Variants in DDB1 observed in about 807,000 individuals in gnomAD.
DDB1 encodes damage specific DNA binding protein 1.
DDB1 carries 18 observed loss-of-function variants against 133.1 expected under a neutral mutation model. The ratio of observed to expected loss-of-function variants is 0.14; its 90% CI spans 0.09 to 0.20. The LOEUF (loss-of-function observed/expected upper bound fraction) is 0.20, where lower values mean the gene tolerates loss of function less well. Among genes scored for constraint, DDB1 ranks in the 10% least tolerant of loss-of-function variants. DDB1 has a pLI of 1.00. For missense variants in DDB1, 828 were observed against 1,459.2 expected, an observed-to-expected ratio of 0.57 and a Z score of 7.05; for synonymous variants, 580 against 550.5, an observed-to-expected ratio of 1.05 and a Z score of -0.75.
chr11:61,314,823 CTTTT>C (rs549452269), intron 12 of DDB1: 21 of 81,174 alleles, frequency 2.6e-4, no homozygotes, highest in South Asian at 4.3e-4. Flanking sequence ...AGTTTTTTGG[CTTTT>C]TTTTTTTTTT....
chr11:61,329,651 C>A, intron 3 of DDB1, 67 bp from the exon 4 acceptor site: 3 of 1,459,572 alleles, frequency 2.1e-6, no homozygotes, highest in Non-Finnish European at 2.8e-6. Flanking sequence ...ACGCTGGGCA[C>A]CACTTGTGCA....
rs28891995 is a variant in DDB1 at position 61,312,846 on chromosome 11, A to G, written c.2069+653T>C. Among the ~76,000 whole-genome samples the G allele has an allele frequency of 6.7e-3, 1,014 of 151,706 alleles. 14 individuals are homozygous for G. The highest frequency in any genetic ancestry group is 0.024 in the African/African-American group (980 of 41,292). Reference sequence around the variant, plus strand: ...GCTCCTGACCTCCGGTGATCCACCCACCTCAGCCTCCCAAAGAGCTAGGAT... The same window carrying G: ...GCTCCTGACCTCCGGTGATCCACCCGCCTCAGCCTCCCAAAGAGCTAGGAT... On this transcript the variant is annotated intron_variant, in intron 16 of 26. Transcript: ENST00000301764.
rs572079399 is a variant in DDB1, at chr11:61,300,735, C to T, written c.3339+74G>A. 34 of 1,586,520 alleles carry T rather than the reference C, an allele frequency of 2.1e-5. No individual in the cohort carries two copies. The South Asian group carries it at 3.9e-4, about 18-fold the overall frequency. ...CTTGGAACTGAGGAGGAGAGGTGCCCAGAGACAGTCTCCTGGCATGCCCCA... is the reference window on the plus strand; with the variant it reads ...CTTGGAACTGAGGAGGAGAGGTGCCTAGAGACAGTCTCCTGGCATGCCCCA... On this transcript the variant is annotated intron_variant, in intron 26 of 26. Coordinates refer to ENST00000301764, the MANE Select transcript of DDB1 (RefSeq NM_001923.5).
chr11:61,305,470 G>A (rs1172208770), intron 21 of DDB1, among the ~76,000 whole-genome samples: 2 of 152,202 alleles, frequency 1.3e-5, no homozygotes, highest in African/African-American at 4.8e-5. Context: ...CTGCGCCATT[G>A]CACTCCAGCG....
At chr11:61,300,990 C>A in intron 25 of DDB1, 58 bp from the exon 26 acceptor site, 1 of 1,605,358 alleles carries the variant, frequency 6.2e-7, no homozygotes, top group Non-Finnish European at 8.5e-7. Context: ...TCAGTCATCC[C>A]CACCTTTGAA....
chr11:61,308,509 GC>G (rs1211218331), intron 21 of DDB1, among the ~76,000 whole-genome samples: 1 of 152,082 alleles, frequency 6.6e-6, no homozygotes, highest in Admixed American at 6.5e-5. Context: ...TTTGTTTGCT[GC>G]TATCTCCCTA....
rs1437488724 is a variant in DDB1 at position 61,323,110 on chromosome 11, C to T, written c.922-16G>A. 6 of 1,610,408 alleles carry T rather than the reference C, an allele frequency of 3.7e-6. No individual in the cohort carries two copies. In the African/African-American group the frequency reaches 4.0e-5, roughly 11 times the overall value. On this transcript the variant is annotated splice_polypyrimidine_tract_variant and intron_variant, in intron 7 of 26. Coordinates refer to ENST00000301764, the MANE Select transcript of DDB1 (RefSeq NM_001923.5). ...CAATAGAGGTCTGGAAGAAAGTCAG[C>T]AACGTGAAAGAAATGAGAATGGACC...
intron 12 of DDB1, 70 bp from the exon 13 acceptor site, chr11:61,314,556 T>A: frequency 6.8e-7 from 1 of 1,474,514 alleles, no homozygotes. Flanking sequence ...GGAAAGGTGG[T>A]AAATGCAGCC....
At chr11:61,323,523 C>T in intron 7 of DDB1, 1 of 237,670 alleles carries the variant, frequency 4.2e-6, no homozygotes, top group South Asian at 6.0e-5. Context: ...GGTGATCCTC[C>T]CACCTCAGCC....
At chr11:61,325,563 G>C in intron 6 of DDB1, 48 bp downstream of exon 6, 2 of 1,500,266 alleles carry the variant, frequency 1.3e-6, no homozygotes, top group Non-Finnish European at 9.2e-7. Context: ...GCAAGGTGAG[G>C]ACAAGGAAAG....
chr11:61,329,922 T>C (rs769498817), intron 3 of DDB1, 36 bp downstream of exon 3: 4 of 1,555,832 alleles, frequency 2.6e-6, no homozygotes, highest in East Asian at 4.5e-5. Context: ...CAGCCCTACT[T>C]AGAAAACTTT....
chr11:61,326,764 A>G lies in DDB1; in HGVS notation c.664+15T>C. The G allele has an allele frequency of 6.2e-7, 1 of 1,609,590 alleles. No individual in the cohort carries two copies. Among genetic ancestry groups the G allele is most frequent in the Non-Finnish European group, 8.5e-7 (1 of 1,175,856 alleles). ...AGACCCAGGTGGAGGCACATTTCCT[A>G]AACCCCCTACCAACCTGCGATCACC... On this transcript the variant is annotated intron_variant, in intron 5 of 26. Coordinates refer to ENST00000301764, the MANE Select transcript of DDB1 (RefSeq NM_001923.5).
intron 10 of DDB1, 99 bp from the exon 11 acceptor site, chr11:61,316,666 A>G (rs1856072689): frequency 7.9e-7 from 1 of 1,265,136 alleles, no homozygotes; most frequent in Admixed American, 1.7e-5. Context: ...TCATGCCTAT[A>G]ATCTCAACAC....
Position 61,314,473 on chromosome 11 carries a change from G to C in DDB1, c.1424C>G (p.Ser475Trp). 1 of 1,611,546 alleles carries C rather than the reference G, an allele frequency of 6.2e-7. No individual in the cohort carries two copies. The highest frequency in any genetic ancestry group is 8.5e-7 in the Non-Finnish European group (1 of 1,179,150). The change falls in exon 13 of 27, where the codon TCG becomes TGG. Residue 475 changes from serine (S) to tryptophan (W), a missense_variant. Ser to Trp is a radical substitution (Grantham distance 177). Transcript: ENST00000301764. Reference sequence around the variant, plus strand: ...GGGTTCTTGAGAGACCAACCTCACCGATGCTGAAGTGATCTAGATAAACAG... The same window carrying C: ...GGGTTCTTGAGAGACCAACCTCACCCATGCTGAAGTGATCTAGATAAACAG... ...HQQLIQITSA[S>W]VRLVSQEPKA...
chr11:61,332,997 T>C lies in DDB1; in HGVS notation c.-29A>G. 6.7e-7 allele frequency: 1 copy of C among 1,485,166 alleles called. No individual in the cohort carries two copies. The highest frequency in any genetic ancestry group is 9.0e-7 in the Non-Finnish European group (1 of 1,108,574). 92.0% of individuals were successfully genotyped at this position (1,485,166 alleles called of 1,614,324 possible). Reference sequence around the variant, plus strand: ...GAGGCTTGGAGCGGCCCGTCGGGACTCGAGCGCGACACTAGAAAGAGGGAC... The same window carrying C: ...GAGGCTTGGAGCGGCCCGTCGGGACCCGAGCGCGACACTAGAAAGAGGGAC... On this transcript the variant is annotated 5_prime_UTR_variant, in exon 1 of 27. Transcript: ENST00000301764.
At chr11:61,328,254 T>C (rs1251877952) in intron 4 of DDB1, among the ~76,000 whole-genome samples, 7 of 152,244 alleles carry the variant, frequency 4.6e-5, no homozygotes, top group Non-Finnish European at 1.0e-4. Flanking sequence ...CTTATTCCAA[T>C]AGCTTCAGAA....
intron 8 of DDB1, 43 bp downstream of exon 8, chr11:61,322,968 G>A (rs1856207873): frequency 2.0e-6 from 3 of 1,520,024 alleles, no homozygotes; most frequent in East Asian, 2.3e-5. Flanking sequence ...TGAAGAAACA[G>A]TGAGTACAGC....
intron 10 of DDB1, among the ~76,000 whole-genome samples, chr11:61,316,819 G>A (rs1306596056): frequency 6.7e-6 from 1 of 149,574 alleles, no homozygotes; most frequent in Non-Finnish European, 1.5e-5. Context: ...AGCTACATGG[G>A]AGGCTGAGGT....
Position 61,311,942 on chromosome 11 carries a change from C to T in DDB1, c.2165+47G>A, listed in dbSNP as rs779954982. On this transcript the variant is annotated intron_variant, in intron 17 of 26. Coordinates refer to ENST00000301764, the MANE Select transcript of DDB1 (RefSeq NM_001923.5). Reference sequence around the variant, plus strand: ...ACAGTGTCACTTAGAAAGTCAGAAGCACCCTACACCAACCCCCACTTCCCA... The same window carrying T: ...ACAGTGTCACTTAGAAAGTCAGAAGTACCCTACACCAACCCCCACTTCCCA... 5 of 1,613,728 alleles carry T rather than the reference C, an allele frequency of 3.1e-6. No individual in the cohort carries two copies. In the South Asian group the frequency reaches 5.5e-5, roughly 18 times the overall value.
Sources: allele counts gnomAD v4.1 joint callset (sites outside exome capture counted in the v4.1 genomes callset), GRCh38; gene constraint gnomAD v4.1.1; transcripts MANE v1.5; gene names NCBI Gene and HGNC (gene_info 2026-07-23, HGNC 2026-07-21).